PCDH11Y: variants seen among roughly 807,000 people sequenced by gnomAD.
The protein encoded by PCDH11Y is protocadherin-11 Y-linked.
For synonymous variants in PCDH11Y, 9 were observed against 83.6 expected (o/e 0.11, Z 4.87); for missense variants, 12 against 224.8 (o/e 0.05, Z 6.05).
intron 2 of PCDH11Y, among the ~76,000 whole-genome samples, chrY:5,132,659 G>A: frequency 3.1e-5 from 1 of 31,826 alleles, no homozygotes; most frequent in Non-Finnish European, 7.7e-5. Context: ...TTGTTTTTAG[G>A]CCATCCAACC....
chrY:5,359,104 G>A, intron 2 of PCDH11Y, among the ~76,000 whole-genome samples: 1 of 27,638 alleles, frequency 3.6e-5, no homozygotes, highest in African/African-American at 1.4e-4. Flanking sequence ...ATGTGTTACC[G>A]AAAAGGCGTC....
At chrY:5,005,893 T>TACTTTAA (rs2052538889) in intron 1 of PCDH11Y, among the ~76,000 whole-genome samples, 1 of 33,064 alleles carries the variant, frequency 3.0e-5, no homozygotes, top group East Asian at 8.1e-4. Flanking sequence ...AAAGCCACTC[T>TACTTTAA]ACTTTAAACT....
chrY:5,356,885 CA>C (rs749591082), intron 2 of PCDH11Y, among the ~76,000 whole-genome samples: 16 of 5,477 alleles, frequency 2.9e-3, no homozygotes, highest in Admixed American at 2.4e-3. Context: ...AACTCTGTCT[CA>C]AAAAAAAAAA....
At chrY:5,289,056 G>C in intron 2 of PCDH11Y, among the ~76,000 whole-genome samples, 1 of 31,394 alleles carries the variant, frequency 3.2e-5, no homozygotes, top group Non-Finnish European at 7.8e-5. Context: ...CCACAATCAA[G>C]GTATGGAACA....
intron 2 of PCDH11Y, among the ~76,000 whole-genome samples, chrY:5,428,725 T>A: frequency 3.0e-5 from 1 of 33,287 alleles, no homozygotes; most frequent in African/African-American, 1.2e-4. Flanking sequence ...GGCAGTGCAA[T>A]AGGTTTGTAG....
chrY:5,587,608 G>T, intron 4 of PCDH11Y, among the ~76,000 whole-genome samples: 1 of 32,099 alleles, frequency 3.1e-5, no homozygotes, highest in African/African-American at 1.2e-4. Flanking sequence ...ATATCTGAGT[G>T]CTGTAGTATT....
At chrY:5,302,651 A>G (rs2124663402) in intron 2 of PCDH11Y, among the ~76,000 whole-genome samples, 2 of 31,001 alleles carry the variant, frequency 6.5e-5, no homozygotes, top group Admixed American at 3.0e-4. Context: ...TGTGGACTCA[A>G]TAGACTATTA....
intron 3 of PCDH11Y, among the ~76,000 whole-genome samples, chrY:5,519,581 T>C (rs1602937297): frequency 6.5e-5 from 2 of 30,991 alleles, no homozygotes; most frequent in Non-Finnish European, 1.5e-4. Context: ...AAAGAATAGA[T>C]ATATCTCATT....
chrY:5,125,917 C>T, intron 2 of PCDH11Y, among the ~76,000 whole-genome samples: 1 of 33,191 alleles, frequency 3.0e-5, no homozygotes, highest in Non-Finnish European at 7.4e-5. Flanking sequence ...GAATTAAGAA[C>T]AAAATAAGGG....
chrY:5,157,924 C>T, intron 2 of PCDH11Y, among the ~76,000 whole-genome samples: 1 of 32,797 alleles, frequency 3.0e-5, no homozygotes, highest in East Asian at 8.2e-4. Context: ...ATTTATAGGT[C>T]ACTCTTTGTT....
chrY:5,293,664 T>G, intron 2 of PCDH11Y, among the ~76,000 whole-genome samples: 2 of 31,323 alleles, frequency 6.4e-5, no homozygotes, highest in Admixed American at 3.0e-4. Flanking sequence ...GAAAGCGGGG[T>G]GAAGTCTCTA....
At chrY:5,377,550 A>C (rs1602915064) in intron 2 of PCDH11Y, among the ~76,000 whole-genome samples, 4 of 33,613 alleles carry the variant, frequency 1.2e-4, no homozygotes, top group African/African-American at 3.4e-4. Flanking sequence ...ATTTAAAATA[A>C]ATGAATATTT....
At chrY:5,425,688 T>C in intron 2 of PCDH11Y, among the ~76,000 whole-genome samples, 1 of 32,604 alleles carries the variant, frequency 3.1e-5, no homozygotes, top group Non-Finnish European at 7.6e-5. Context: ...GTAATCTTAG[T>C]TGATGTGCCA....
chrY:5,235,211 A>G (rs2563231), intron 2 of PCDH11Y, among the ~76,000 whole-genome samples: 1 of 31,709 alleles, frequency 3.2e-5, no homozygotes, highest in South Asian at 7.1e-4. Context: ...TATTGTCTCT[A>G]TTTTTTAGAT....
intron 1 of PCDH11Y, among the ~76,000 whole-genome samples, chrY:5,004,884 A>G: frequency 5.8e-5 from 2 of 34,258 alleles, no homozygotes; most frequent in African/African-American, 1.1e-4. Flanking sequence ...TTATAGATCT[A>G]GGATACGATG....
chrY:5,112,678 G>A (rs2052803689), intron 2 of PCDH11Y, among the ~76,000 whole-genome samples: 1 of 33,264 alleles, frequency 3.0e-5, no homozygotes, highest in African/African-American at 1.2e-4. Context: ...TTTGTAAACA[G>A]CTCAGTGAGG....
At chrY:5,616,739 T>C (rs1173963733) in intron 4 of PCDH11Y, among the ~76,000 whole-genome samples, 123 of 32,657 alleles carry the variant, frequency 3.8e-3, no homozygotes, top group Middle Eastern at 0.014. Flanking sequence ...GCAATCAATG[T>C]TTGTTGAATT....
chrY:5,533,266 C>A, intron 3 of PCDH11Y, among the ~76,000 whole-genome samples: 1 of 33,089 alleles, frequency 3.0e-5, no homozygotes, highest in Non-Finnish European at 7.4e-5. Context: ...ACATACCTAA[C>A]CTTTCACAGT....
chrY:5,009,592 T>C, intron 1 of PCDH11Y, among the ~76,000 whole-genome samples: 1 of 34,191 alleles, frequency 2.9e-5, no homozygotes, highest in South Asian at 6.3e-4. Flanking sequence ...TCTCTAAAAT[T>C]TGATGTTTGC....
Sources: allele counts gnomAD v4.1 joint callset (sites outside exome capture counted in the v4.1 genomes callset), GRCh38; gene constraint gnomAD v4.1.1; transcripts MANE v1.5; gene names NCBI Gene and HGNC (gene_info 2026-07-23, HGNC 2026-07-21).